CHLSN: variants seen among roughly 807,000 people sequenced by gnomAD.
CHLSN encodes cholesin, also known as protein cholesin.
At chr7:1,102,279 C>A in the CHLSN span, among the ~76,000 whole-genome samples, 3 of 152,276 alleles carry the variant, frequency 2.0e-5, no homozygotes, top group Non-Finnish European at 4.4e-5. Flanking sequence ...AAGCGAGGAG[C>A]TGGGCCCAGC....
chr7:1,053,889 C>T, the CHLSN span, among the ~76,000 whole-genome samples: 1 of 152,364 alleles, frequency 6.6e-6, no homozygotes, highest in South Asian at 2.1e-4. Context: ...GGAGCCATGG[C>T]TAACAGCCTG....
chr7:1,078,251 A>G, the CHLSN span, among the ~76,000 whole-genome samples: 1 of 152,150 alleles, frequency 6.6e-6, no homozygotes, highest in African/African-American at 2.4e-5. Flanking sequence ...TTCGCGTGGC[A>G]GAGCACAGCG....
chr7:1,046,435 C>G, the CHLSN span, among the ~76,000 whole-genome samples: 1 of 152,216 alleles, frequency 6.6e-6, no homozygotes, highest in Admixed American at 6.5e-5. Context: ...CTCTCCAGGG[C>G]TTTCACTAAC....
the CHLSN span, chr7:1,092,888 G>T: frequency 6.3e-7 from 1 of 1,596,058 alleles, no homozygotes; most frequent in Non-Finnish European, 8.6e-7. Context: ...CAGCCAGGGT[G>T]TGACTCGGGA....
the CHLSN span, among the ~76,000 whole-genome samples, chr7:1,011,856 C>G: frequency 6.6e-6 from 1 of 152,194 alleles, no homozygotes; most frequent in East Asian, 1.9e-4. Flanking sequence ...ATGCCTGGCA[C>G]AGAGAGGCTG....
chr7:1,124,700 A>T, the CHLSN span, among the ~76,000 whole-genome samples: 1 of 151,434 alleles, frequency 6.6e-6, no homozygotes, highest in Non-Finnish European at 1.5e-5. Flanking sequence ...GTACCCTAAA[A>T]CTTAAAGTAT....
chr7:1,017,546 G>C, the CHLSN span, among the ~76,000 whole-genome samples: 1 of 152,220 alleles, frequency 6.6e-6, no homozygotes, highest in African/African-American at 2.4e-5. Flanking sequence ...TGGATGGCAG[G>C]GGAGGTGGGG....
chr7:1,111,053 G>A, the CHLSN span, among the ~76,000 whole-genome samples: 1 of 152,192 alleles, frequency 6.6e-6, no homozygotes, highest in Admixed American at 6.5e-5. Flanking sequence ...TCCAGCCTGG[G>A]CGACAGAGCG....
chr7:1,120,820 CGT>C, the CHLSN span, among the ~76,000 whole-genome samples: 1 of 145,490 alleles, frequency 6.9e-6, no homozygotes, highest in African/African-American at 2.4e-5. Context: ...GGACACGGGG[CGT>C]AGTGTGGCCG....
chr7:1,116,034 A>G, the CHLSN span, among the ~76,000 whole-genome samples: 421 of 93,060 alleles, frequency 4.5e-3, no homozygotes, highest in Middle Eastern at 0.024. Context: ...TGACATCACT[A>G]CAGCTCTACG....
chr7:1,080,210 T>C, the CHLSN span, among the ~76,000 whole-genome samples: 2 of 152,240 alleles, frequency 1.3e-5, no homozygotes, highest in South Asian at 2.1e-4. Context: ...ATCCTAGCGA[T>C]CCACCCAAAA....
chr7:1,136,181 T>TA, the CHLSN span, among the ~76,000 whole-genome samples: 5,541 of 111,150 alleles, frequency 0.05, 484 homozygotes, highest in African/African-American at 0.14. Context: ...TAAATATACA[T>TA]AATTATAAAT....
the CHLSN span, among the ~76,000 whole-genome samples, chr7:1,009,130 T>G: frequency 6.6e-6 from 1 of 151,786 alleles, no homozygotes; most frequent in Non-Finnish European, 1.5e-5. Context: ...ACACTGGGGG[T>G]CATCTCTCCG....
the CHLSN span, among the ~76,000 whole-genome samples, chr7:1,032,232 C>T: frequency 6.6e-6 from 1 of 152,186 alleles, no homozygotes; most frequent in African/African-American, 2.4e-5. Flanking sequence ...GCACTCGGCC[C>T]GCCTGAAAAT....
the CHLSN span, among the ~76,000 whole-genome samples, chr7:1,106,379 C>G: frequency 6.6e-6 from 1 of 152,192 alleles, no homozygotes; most frequent in African/African-American, 2.4e-5. Flanking sequence ...CTGAGGGCCC[C>G]TGTGTTCTGG....
At chr7:1,091,665 C>T in the CHLSN span, 2 of 1,157,370 alleles carry the variant, frequency 1.7e-6, no homozygotes, top group Non-Finnish European at 2.5e-6. Flanking sequence ...AAGATGGATT[C>T]ACCATTTAAA....
At chr7:989,007 C>A in the CHLSN span, 5 of 556,806 alleles carry the variant, frequency 9.0e-6, no homozygotes, top group South Asian at 1.3e-4. Context: ...CCTGCCCGAC[C>A]CTGTGGGACC....
At chr7:1,021,013 C>T in the CHLSN span, among the ~76,000 whole-genome samples, 25 of 150,658 alleles carry the variant, frequency 1.7e-4, no homozygotes, top group East Asian at 1.2e-3. Context: ...TGGGGACCTT[C>T]GGGCAGGTAC....
chr7:1,056,085 G>A, the CHLSN span: 1,029 of 153,754 alleles, frequency 6.7e-3, 9 homozygotes, highest in African/African-American at 0.023. Flanking sequence ...ACCGGCCCCC[G>A]CCACTGTGCT....
Sources: gnomAD v4.1 joint callset for allele counts (sites outside exome capture counted in the v4.1 genomes callset) on GRCh38, gnomAD v4.1.1 for gene constraint, MANE v1.5 for transcripts, NCBI Gene and HGNC (gene_info 2026-07-23, HGNC 2026-07-21) for gene names.